SPIRE2: variants seen among roughly 807,000 people sequenced by gnomAD.
SPIRE2 encodes protein spire homolog 2.
In SPIRE2, 76 loss-of-function variants were observed where a neutral mutation model predicts 80.7. That is an observed-to-expected ratio of 0.94 (90% CI 0.78 to 1.14). The LOEUF (loss-of-function observed/expected upper bound fraction) is 1.14, where lower values mean the gene tolerates loss of function less well. SPIRE2 is among the 50% of genes most tolerant of loss of function. SPIRE2 has a pLI of 0.00. For synonymous variants in SPIRE2, 535 were observed against 432.6 expected (o/e 1.24, Z -2.94); for missense variants, 1,196 against 1,015.3 (o/e 1.18, Z -2.42).
chr16:89,860,805 G>T lies in SPIRE2; in HGVS notation c.1575+10G>T, dbSNP rs376152179. On this transcript the variant is annotated intron_variant, in intron 10 of 14. Transcript: ENST00000378247. ...CAAACACCTGTGGCTGGTGAGTGAG[G>T]GTGCGATTGTCGTCCAGGGCGGCCC... is the stretch of plus-strand genomic sequence containing the variant. 7 of 1,465,316 alleles carry T rather than the reference G, an allele frequency of 4.8e-6. No individual in the cohort carries two copies. Among genetic ancestry groups the T allele is most frequent in the South Asian group, 2.7e-5 (2 of 73,184 alleles). The allele number at this position is 1,465,316 out of a possible 1,614,324, so 90.8% of individuals were successfully genotyped here. A position where few individuals can be genotyped will look rare whatever the true frequency, so the allele number is the denominator to read the frequency against.
chr16:89,868,443 A>G (rs1278560168), intron 13 of SPIRE2, among the ~76,000 whole-genome samples: 1 of 152,112 alleles, frequency 6.6e-6, no homozygotes, highest in African/African-American at 2.4e-5. Flanking sequence ...AAAACCCTTC[A>G]CTTCCCCTCT....
chr16:89,850,269 C>G, intron 2 of SPIRE2, 35 bp from the exon 3 acceptor site: 1 of 1,580,008 alleles, frequency 6.3e-7, no homozygotes, highest in Non-Finnish European at 8.6e-7. Context: ...CACCCCCCTG[C>G]AGTACCGCCC....
At chr16:89,831,147 G>T (rs1296043630) in intron 1 of SPIRE2, among the ~76,000 whole-genome samples, 1 of 150,500 alleles carries the variant, frequency 6.6e-6, no homozygotes, top group Non-Finnish European at 1.5e-5. Flanking sequence ...CTGACCTCGT[G>T]ATCTGCCCAC....
chr16:89,843,320 C>T (rs990174153), intron 1 of SPIRE2, among the ~76,000 whole-genome samples: 1 of 152,180 alleles, frequency 6.6e-6, no homozygotes, highest in East Asian at 1.9e-4. Context: ...CCAGCTCCAG[C>T]GTGAGCACCG....
intron 1 of SPIRE2, among the ~76,000 whole-genome samples, chr16:89,838,866 T>G (rs1215791042): frequency 6.6e-6 from 1 of 151,838 alleles, no homozygotes; most frequent in Non-Finnish European, 1.5e-5. Context: ...CACAAAGGGC[T>G]CTTGTTCTCT....
intron 12 of SPIRE2, among the ~76,000 whole-genome samples, chr16:89,865,764 C>T (rs912345684): frequency 4.6e-5 from 7 of 151,294 alleles, no homozygotes; most frequent in Admixed American, 2.0e-4. Flanking sequence ...GTCGGGAGAT[C>T]GAGACCATCC....
In SPIRE2 at chr16:89,828,849, G is replaced by GC. The variant is rs1273419098; in HGVS notation, c.244+60dup. 3 of 1,156,618 alleles carry GC rather than the reference G, an allele frequency of 2.6e-6. No individual in the cohort carries two copies. The highest frequency in any genetic ancestry group is 3.2e-6 in the Non-Finnish European group (3 of 936,586). 71.6% of individuals were successfully genotyped at this position (1,156,618 alleles called of 1,614,324 possible). On this transcript the variant is annotated intron_variant, in intron 1 of 14. Transcript: ENST00000378247. This position sits in a 1 kb window ranked among gnomAD's most constrained non-coding sequence, Gnocchi z 5.9. ...GACCGCGGTCTGGGGCGTCCGTCCC[G>GC]CCCCCTGGGTGGGGGTGGTCCCGGC...
intron 2 of SPIRE2, among the ~76,000 whole-genome samples, chr16:89,848,087 A>ACG (rs951534176): frequency 1.6e-4 from 25 of 152,210 alleles, no homozygotes; most frequent in Non-Finnish European, 3.1e-4. Context: ...ATTTCCCGCT[A>ACG]CGCTGTCCTT....
chr16:89,845,687 G>A lies in SPIRE2; in HGVS notation c.288+322G>A, dbSNP rs558912629. ...CCGGCCTCCCAGACACAGAGCCGGG[G>A]TCAGGGAGACGACTTCAGGTGCAAA... On this transcript the variant is annotated intron_variant, in intron 2 of 14. Transcript: ENST00000378247. 77 of 675,744 alleles carry A rather than the reference G, an allele frequency of 1.1e-4. 1 individual carries two copies. The Admixed American group carries it at 1.2e-3, about 11-fold the overall frequency. The allele number at this position is 675,744 out of a possible 1,614,324, so 41.9% of individuals were successfully genotyped here. A position where few individuals can be genotyped will look rare whatever the true frequency, so the allele number is the denominator to read the frequency against.
Position 89,833,786 on chromosome 16 carries a change from C to A in SPIRE2, c.244+4992C>A, listed in dbSNP as rs553546011. On this transcript the variant is annotated intron_variant, in intron 1 of 14. Coordinates refer to ENST00000378247, the MANE Select transcript of SPIRE2 (RefSeq NM_032451.2). ...GTGGGTCCAGGCTGCGAATCCCGAC[C>A]GGATTCTCAGGGAGGGGTTCTGCAA... is the stretch of plus-strand genomic sequence containing the variant. 2.0e-5 allele frequency among the ~76,000 whole-genome samples: 3 copies of A among 152,316 alleles called. No individual in the cohort carries two copies. The South Asian group carries it at 6.2e-4, about 32-fold the overall frequency.
At chr16:89,868,342 C>T in intron 13 of SPIRE2, 126 bp downstream of exon 13, 3 of 987,872 alleles carry the variant, frequency 3.0e-6, no homozygotes, top group Non-Finnish European at 3.2e-6. Flanking sequence ...AGGCAGAATC[C>T]ATTCCTATAC....
intron 1 of SPIRE2, among the ~76,000 whole-genome samples, chr16:89,841,610 C>G (rs865817521): frequency 6.6e-6 from 1 of 152,150 alleles, no homozygotes; most frequent in South Asian, 2.1e-4. Context: ...GTTTCTCAAC[C>G]TGCCTGAGCC....
At chr16:89,856,259 A>G (rs1205802527) in intron 7 of SPIRE2, 23 bp downstream of exon 7, 3 of 1,553,378 alleles carry the variant, frequency 1.9e-6, no homozygotes, top group African/African-American at 2.7e-5. Flanking sequence ...ATGGCAGGAG[A>G]AGAGAGCCCT....
intron 13 of SPIRE2, 86 bp from the exon 14 acceptor site, chr16:89,869,481 G>A (rs2041819914): frequency 1.1e-6 from 1 of 885,390 alleles, no homozygotes; most frequent in Non-Finnish European, 1.9e-6. Context: ...GCAGGTCCCA[G>A]ACTGGGGAGG....
Position 89,828,517 on chromosome 16 carries a change from G to A in SPIRE2, c.-34G>A, listed in dbSNP as rs1366322144. On this transcript the variant is annotated 5_prime_UTR_variant, in exon 1 of 15. Transcript: ENST00000378247. The surrounding 1 kb of genome is among the most constrained non-coding windows in gnomAD (Gnocchi z 5.9). Reference sequence around the variant, plus strand: ...CGGAAGGCGCGGCTGCATGGACGCGGGTCCGGCGCGCGGGAGGCGATGACG... The same window carrying A: ...CGGAAGGCGCGGCTGCATGGACGCGAGTCCGGCGCGCGGGAGGCGATGACG... 2 of 1,031,236 alleles carry A rather than the reference G, an allele frequency of 1.9e-6. No homozygotes were observed. The highest frequency in any genetic ancestry group is 2.3e-6 in the Non-Finnish European group (2 of 861,716). The allele number at this position is 1,031,236 out of a possible 1,614,324, so 63.9% of individuals were successfully genotyped here.
rs2041360664 is a variant in SPIRE2 at position 89,829,678 on chromosome 16, C to CGAAG, written c.244+884_244+885insGAAG. 5.9e-5 allele frequency among the ~76,000 whole-genome samples: 9 copies of CGAAG among 151,788 alleles called. 1 individual carries two copies. The highest frequency in any genetic ancestry group is 1.0e-4 in the Non-Finnish European group (7 of 67,600). Reference sequence around the variant, plus strand: ...GGGGCCGTTGTGCCCCACCCAAGGGCCCTTGTTCCTTCACCAGGTCCTGCT... The same window carrying CGAAG: ...GGGGCCGTTGTGCCCCACCCAAGGGCGAAGCCTTGTTCCTTCACCAGGTCCTGCT... On this transcript the variant is annotated intron_variant, in intron 1 of 14. Transcript: ENST00000378247.
At chr16:89,842,308 G>A (rs1191747688) in intron 1 of SPIRE2, among the ~76,000 whole-genome samples, 1 of 139,186 alleles carries the variant, frequency 7.2e-6, no homozygotes, top group Non-Finnish European at 1.5e-5. Context: ...CACCTCCTGG[G>A]TTCAAGCGAT....
rs201503042 is a variant in SPIRE2, at chr16:89,845,361, C to A, written c.284C>A (p.Ala95Asp). ...TMVVPLASSE[A>D]QTVQSLGFAI... ...GTCGTGCCACTAGCCAGCTCGGAAGCCCAGGTACTTTTTAAAAAATTCCAA... is the reference window on the plus strand; with the variant it reads ...GTCGTGCCACTAGCCAGCTCGGAAGACCAGGTACTTTTTAAAAAATTCCAA... The change falls in exon 2 of 15, where the codon GCC becomes GAC. Residue 95 changes from alanine (A) to aspartate (D), a missense_variant. Coordinates refer to ENST00000378247, the MANE Select transcript of SPIRE2 (RefSeq NM_032451.2). 5 of 1,613,862 alleles carry A rather than the reference C, an allele frequency of 3.1e-6. No individual in the cohort carries two copies. The highest frequency in any genetic ancestry group is 1.7e-5 in the Admixed American group (1 of 60,022).
At chr16:89,859,641 G>A (rs1157564688) in intron 9 of SPIRE2, among the ~76,000 whole-genome samples, 2 of 152,194 alleles carry the variant, frequency 1.3e-5, no homozygotes, top group Admixed American at 1.3e-4. Flanking sequence ...TAGAAAGATA[G>A]CTAACTAGAT....
Sources: allele counts gnomAD v4.1 joint callset (sites outside exome capture counted in the v4.1 genomes callset), GRCh38; gene constraint gnomAD v4.1.1; non-coding constraint Gnocchi (gnomAD v3.1); transcripts MANE v1.5; gene names NCBI Gene and HGNC (gene_info 2026-07-23, HGNC 2026-07-21).